Variants in FBXW11 observed in about 807,000 individuals in gnomAD.
The protein encoded by FBXW11 is F-box and WD repeat domain containing 11.
A neutral mutation model predicts 77.6 loss-of-function variants in FBXW11; 19 were observed. That is an observed-to-expected ratio of 0.24 (90% CI 0.17 to 0.36). The LOEUF (loss-of-function observed/expected upper bound fraction) is 0.36. Among genes scored for constraint, FBXW11 ranks in the 10% least tolerant of loss-of-function variants. The pLI is 1.00. For synonymous variants in FBXW11, 235 were observed against 249.4 expected (o/e 0.94, Z 0.54); for missense variants, 334 against 704.2 (o/e 0.47, Z 5.95).
At chr5:171,957,525 A>G in intron 2 of FBXW11, 72 bp downstream of exon 2, 1 of 1,289,018 alleles carries the variant, frequency 7.8e-7, no homozygotes, top group Non-Finnish European at 1.1e-6. Context: ...GATTAAACAC[A>G]CTACTGCAAG....
intron 1 of FBXW11, among the ~76,000 whole-genome samples, chr5:171,969,120 T>A (rs1262370642): frequency 1.3e-5 from 2 of 151,254 alleles, no homozygotes; most frequent in African/African-American, 4.9e-5. Flanking sequence ...AAACAAAAAT[T>A]AGCCAGGCGT....
At chr5:171,964,430 A>G (rs1455990011) in intron 1 of FBXW11, among the ~76,000 whole-genome samples, 2 of 152,260 alleles carry the variant, frequency 1.3e-5, no homozygotes, top group Admixed American at 1.3e-4. Flanking sequence ...AGGGGAGTAC[A>G]TAACTCCAGC....
intron 2 of FBXW11, among the ~76,000 whole-genome samples, chr5:171,949,196 T>C (rs931166027): frequency 2.0e-5 from 3 of 152,168 alleles, no homozygotes; most frequent in African/African-American, 4.8e-5. Flanking sequence ...CTTACAAAGG[T>C]TGATGGCTGA....
intron 2 of FBXW11, among the ~76,000 whole-genome samples, chr5:171,928,879 C>T (rs1027237307): frequency 1.3e-5 from 2 of 152,008 alleles, no homozygotes; most frequent in Non-Finnish European, 2.9e-5. Context: ...TCAAGACCAG[C>T]CTGGCCAATG....
At chr5:171,894,671 A>C (rs1442594004) in intron 6 of FBXW11, among the ~76,000 whole-genome samples, 1 of 146,900 alleles carries the variant, frequency 6.8e-6, no homozygotes, top group Admixed American at 7.1e-5. Flanking sequence ...TCTTACTTGA[A>C]TGCTTATAAC....
chr5:171,974,471 CAT>C (rs1453962464), intron 1 of FBXW11, among the ~76,000 whole-genome samples: 1 of 151,332 alleles, frequency 6.6e-6, no homozygotes, highest in Non-Finnish European at 1.5e-5. Context: ...CACACACACA[CAT>C]ATATACAGGT....
chr5:171,997,075 C>G, intron 1 of FBXW11: 7 of 1,289,716 alleles, frequency 5.4e-6, no homozygotes, highest in Non-Finnish European at 7.1e-6. Context: ...GAAAGCAATC[C>G]ATACACCCAC....
At chr5:172,006,373 C>A (rs1766774843) in intron 1 of FBXW11, 85 bp downstream of exon 1, 2 of 1,247,796 alleles carry the variant, frequency 1.6e-6, no homozygotes, top group South Asian at 1.6e-5. Flanking sequence ...GGGCCAGAGC[C>A]GGCCTCGCAC....
intron 1 of FBXW11, among the ~76,000 whole-genome samples, chr5:171,980,239 A>G (rs1422237140): frequency 1.3e-5 from 2 of 152,262 alleles, no homozygotes; most frequent in Non-Finnish European, 2.9e-5. Flanking sequence ...ATTCCTAACT[A>G]GATGGGGAGG....
At chr5:171,909,719 G>C (rs6883971) in intron 4 of FBXW11, among the ~76,000 whole-genome samples, 2 of 152,030 alleles carry the variant, frequency 1.3e-5, no homozygotes, top group Non-Finnish European at 2.9e-5. Context: ...ACGTGCGCGC[G>C]TGCATGTACA....
intron 1 of FBXW11, among the ~76,000 whole-genome samples, chr5:171,963,284 G>C (rs774562770): frequency 6.6e-6 from 1 of 152,040 alleles, no homozygotes. Context: ...TTCATAAAGG[G>C]TAAGTAGGAG....
intron 1 of FBXW11, among the ~76,000 whole-genome samples, chr5:171,962,019 T>A (rs963521819): frequency 1.4e-4 from 22 of 152,240 alleles, no homozygotes; most frequent in African/African-American, 4.8e-4. Flanking sequence ...CATTCGAGAA[T>A]AACTATTATC....
chr5:171,880,635 C>A (rs2113796821), intron 7 of FBXW11, among the ~76,000 whole-genome samples: 1 of 152,284 alleles, frequency 6.6e-6, no homozygotes, highest in East Asian at 1.9e-4. Flanking sequence ...TCACATAGAT[C>A]TTATAAATAT....
At chr5:171,882,121 A>ACTGTTCTTT (rs557859128) in intron 7 of FBXW11, among the ~76,000 whole-genome samples, 1 of 152,036 alleles carries the variant, frequency 6.6e-6, no homozygotes, top group Non-Finnish European at 1.5e-5. Context: ...ACGGATTTAA[A>ACTGTTCTTT]CTGTTCTTTT....
intron 1 of FBXW11, among the ~76,000 whole-genome samples, chr5:171,996,094 G>A (rs1002524624): frequency 3.9e-5 from 6 of 152,102 alleles, no homozygotes; most frequent in Non-Finnish European, 5.9e-5. Flanking sequence ...TGCATACAAG[G>A]GTAACTGGCA....
intron 2 of FBXW11, among the ~76,000 whole-genome samples, chr5:171,954,653 T>A (rs959473794): frequency 6.6e-6 from 1 of 152,166 alleles, no homozygotes; most frequent in African/African-American, 2.4e-5. Flanking sequence ...ACATACCAAT[T>A]GCTCAGTAAA....
At position 171,904,653 on chromosome 5, in the gene FBXW11, C is replaced by T. The variant is rs557066824; in HGVS notation, c.437-4553G>A. Among the ~76,000 whole-genome samples the T allele has an allele frequency of 6.6e-6, 1 of 152,180 alleles. No individual in the cohort carries two copies. The highest frequency in any genetic ancestry group is 1.9e-4 in the East Asian group (1 of 5,186). On this transcript the variant is annotated intron_variant, in intron 4 of 13. Coordinates refer to ENST00000517395, the MANE Select transcript of FBXW11 (RefSeq NM_001378974.1). The surrounding 1 kb of genome is among the most constrained non-coding windows in gnomAD (Gnocchi z 4.0). ...GTGGTGGGATCTCAGCTCACTGCAA[C>T]CTCCACCTCCTGGGTTCAAGCGATT...
At chr5:171,914,480 G>A in intron 2 of FBXW11, 75 bp from the exon 3 acceptor site, 14 of 1,316,604 alleles carry the variant, frequency 1.1e-5, no homozygotes, top group Middle Eastern at 1.9e-4. Flanking sequence ...AAATAATTTT[G>A]AAAACCCAAA....
chr5:171,941,529 T>C (rs1297920075), intron 2 of FBXW11, among the ~76,000 whole-genome samples: 2 of 151,658 alleles, frequency 1.3e-5, no homozygotes, highest in South Asian at 2.1e-4. Context: ...GGCAGTAACC[T>C]GTCAGTGCTA....
Sources: gnomAD v4.1 joint callset for allele counts (sites outside exome capture counted in the v4.1 genomes callset) on GRCh38, gnomAD v4.1.1 for gene constraint, Gnocchi (gnomAD v3.1) non-coding constraint, MANE v1.5 for transcripts, NCBI Gene and HGNC (gene_info 2026-07-23, HGNC 2026-07-21) for gene names.